Variants in PARK7 observed in about 807,000 individuals in gnomAD.
PARK7 encodes the protein Parkinsonism associated deglycase, also known as Parkinson disease protein 7.
In PARK7, 14 loss-of-function variants were observed where a neutral mutation model predicts 20.5. The ratio of observed to expected loss-of-function variants is 0.68; its 90% CI spans 0.45 to 1.07. The LOEUF is 1.07. Among genes scored for constraint, PARK7 ranks in the 50% least tolerant of loss-of-function variants. PARK7 has a pLI of 0.00. For missense variants in PARK7, 234 were observed against 238.1 expected, an observed-to-expected ratio of 0.98 and a Z score of 0.11; for synonymous variants, 98 against 84.3, an observed-to-expected ratio of 1.16 and a Z score of -0.89.
intron 2 of PARK7, among the ~76,000 whole-genome samples, chr1:7,963,528 C>A (rs161814): frequency 0.28 from 41,882 of 151,424 alleles, 7,676 homozygotes; most frequent in Non-Finnish European, 0.41. Flanking sequence ...CAGGTGTCCG[C>A]CACCACGCCC....
chr1:7,963,727 C>T (rs1181575584), intron 2 of PARK7, among the ~76,000 whole-genome samples: 2 of 151,788 alleles, frequency 1.3e-5, no homozygotes, highest in Non-Finnish European at 2.9e-5. Flanking sequence ...CATTTGAAGC[C>T]CCCTTTGTAA....
At position 7,968,642 on chromosome 1, in the gene PARK7, A is replaced by T. The variant is rs1473214015; in HGVS notation, c.193-703A>T. ...GCGATTCTCCTGCCTCAACCCCCCAAGTAGATGGGACCACAGGTGTGCACC... is the reference window on the plus strand; with the variant it reads ...GCGATTCTCCTGCCTCAACCCCCCATGTAGATGGGACCACAGGTGTGCACC... On this transcript the variant is annotated intron_variant, in intron 3 of 6. Transcript: ENST00000338639. 2.0e-5 allele frequency among the ~76,000 whole-genome samples: 3 copies of T among 152,034 alleles called. No homozygotes were observed. The East Asian group carries it at 5.8e-4, about 29-fold the overall frequency.
chr1:7,963,726 C>A (rs1460693401), intron 2 of PARK7, among the ~76,000 whole-genome samples: 1 of 151,936 alleles, frequency 6.6e-6, no homozygotes, highest in Non-Finnish European at 1.5e-5. Flanking sequence ...ACATTTGAAG[C>A]CCCCTTTGTA....
At chr1:7,974,996 C>T (rs1640548081) in intron 5 of PARK7, among the ~76,000 whole-genome samples, 1 of 151,930 alleles carries the variant, frequency 6.6e-6, no homozygotes, top group South Asian at 2.1e-4. Flanking sequence ...GCTAGAATTA[C>T]AGGCACCTGC....
rs1448095010 is a variant in PARK7, at chr1:7,962,706, G to A, written c.-23-57G>A. On this transcript the variant is annotated intron_variant, in intron 1 of 6. Coordinates refer to ENST00000338639, the MANE Select transcript of PARK7 (RefSeq NM_007262.5). ...ATGCTCCTAAACTTTAAATTTTGGG[G>A]TATCTCAGGGTTGCAATGAAAGTTT... 6.2e-6 allele frequency: 7 copies of A among 1,137,364 alleles called. No individual in the cohort carries two copies. The East Asian group carries it at 1.8e-4, about 29-fold the overall frequency. 70.5% of individuals were successfully genotyped at this position (1,137,364 alleles called of 1,614,324 possible). A position where few individuals can be genotyped will look rare whatever the true frequency, so the allele number is the denominator to read the frequency against.
intron 4 of PARK7, 84 bp downstream of exon 4, chr1:7,969,488 T>G: frequency 1.0e-6 from 1 of 959,414 alleles, no homozygotes; most frequent in Non-Finnish European, 1.6e-6. Context: ...TATGTTCTGT[T>G]AATTTTGTTA....
intron 4 of PARK7, among the ~76,000 whole-genome samples, chr1:7,970,381 G>A (rs535290173): frequency 6.6e-6 from 1 of 152,314 alleles, no homozygotes; most frequent in South Asian, 2.1e-4. Context: ...AAGCTGTGGG[G>A]CTAGGGCTGC....
chr1:7,970,804 C>T, intron 4 of PARK7, 90 bp from the exon 5 acceptor site: 1 of 1,306,068 alleles, frequency 7.7e-7, no homozygotes, highest in South Asian at 1.2e-5. Context: ...GTGGTTTAAA[C>T]TAAAATTAAA....
chr1:7,966,818 A>G (rs1282235609), intron 3 of PARK7, among the ~76,000 whole-genome samples: 2 of 152,224 alleles, frequency 1.3e-5, no homozygotes, highest in East Asian at 1.9e-4. Flanking sequence ...TCGACAGATA[A>G]TAAGTGTACA....
chr1:7,968,091 C>T (rs188727984), intron 3 of PARK7, among the ~76,000 whole-genome samples: 1 of 151,888 alleles, frequency 6.6e-6, no homozygotes, highest in Non-Finnish European at 1.5e-5. Context: ...GGGTGTATCA[C>T]GAGGTCAGGA....
At chr1:7,973,736 A>G (rs763465065) in intron 5 of PARK7, among the ~76,000 whole-genome samples, 1 of 150,336 alleles carries the variant, frequency 6.7e-6, no homozygotes, top group Non-Finnish European at 1.5e-5. Context: ...AAAATAAAAT[A>G]ATAAAAATAA....
At chr1:7,966,873 C>T (rs772270318) in intron 3 of PARK7, among the ~76,000 whole-genome samples, 2 of 152,008 alleles carry the variant, frequency 1.3e-5, no homozygotes, top group Non-Finnish European at 2.9e-5. Context: ...ATATAGTGAT[C>T]GGATCAGAGT....
At chr1:7,983,507 T>G (rs943442018) in intron 6 of PARK7, among the ~76,000 whole-genome samples, 2 of 152,230 alleles carry the variant, frequency 1.3e-5, no homozygotes, top group Non-Finnish European at 2.9e-5. Flanking sequence ...CACCACCAGC[T>G]TCTACCCAGA....
intron 6 of PARK7, among the ~76,000 whole-genome samples, chr1:7,983,805 G>A (rs929142935): frequency 3.3e-5 from 5 of 152,314 alleles, no homozygotes; most frequent in East Asian, 1.9e-4. Context: ...AAAGGAGATC[G>A]AGTCAAGAAT....
chr1:7,964,133 G>A (rs1386008428), intron 2 of PARK7, among the ~76,000 whole-genome samples: 4 of 152,250 alleles, frequency 2.6e-5, no homozygotes, highest in South Asian at 4.1e-4. Flanking sequence ...CTTTAAGGTA[G>A]CATTTGACCG....
At chr1:7,968,302 CAAAA>C (rs34105225) in intron 3 of PARK7, among the ~76,000 whole-genome samples, 2 of 101,828 alleles carry the variant, frequency 2.0e-5, no homozygotes, top group Admixed American at 1.0e-4. Context: ...GACTCTGTCT[CAAAA>C]AAAAAAAAAA....
intron 6 of PARK7, among the ~76,000 whole-genome samples, chr1:7,983,847 G>C (rs528465449): frequency 6.6e-6 from 1 of 152,300 alleles, no homozygotes; most frequent in South Asian, 2.1e-4. Context: ...CACACTTCAG[G>C]GGTGCCTCCT....
At chr1:7,962,905 C>T in intron 2 of PARK7, 30 bp downstream of exon 2, 1 of 1,541,900 alleles carries the variant, frequency 6.5e-7, no homozygotes, top group Non-Finnish European at 9.0e-7. Flanking sequence ...TTAGCCATTC[C>T]TGTTTTAAAT....
rs573436368 is a variant in PARK7, at chr1:7,984,468, T to A, written c.410-426T>A. Among the ~76,000 whole-genome samples the A allele has an allele frequency of 6.6e-6, 1 of 152,360 alleles. No homozygotes were observed. Among genetic ancestry groups the A allele is most frequent in the Admixed American group, 6.5e-5 (1 of 15,302 alleles). On this transcript the variant is annotated intron_variant, in intron 6 of 6. Coordinates refer to ENST00000338639, the MANE Select transcript of PARK7 (RefSeq NM_007262.5). The surrounding 1 kb of genome is among the most constrained non-coding windows in gnomAD (Gnocchi z 4.3). The stretch of plus-strand genomic sequence containing the variant: ...CCATTACGTTGTGCTGTGGTTGTTT[T>A]TGAGGCATCAGAGGGTGTGCGTGCC...
Sources: gnomAD v4.1 joint callset for allele counts (sites outside exome capture counted in the v4.1 genomes callset) on GRCh38, gnomAD v4.1.1 for gene constraint, Gnocchi (gnomAD v3.1) non-coding constraint, MANE v1.5 for transcripts, NCBI Gene and HGNC (gene_info 2026-07-23, HGNC 2026-07-21) for gene names.